The following PGM3 variants were observed in gnomAD, a reference collection of about 807,000 sequenced individuals.
The protein encoded by PGM3 is phosphoglucomutase 3, also known as phosphoacetylglucosamine mutase.
In PGM3, 40 loss-of-function variants were observed where a neutral mutation model predicts 66.2. That is an observed-to-expected ratio of 0.60 (90% CI 0.47 to 0.79). The LOEUF (loss-of-function observed/expected upper bound fraction) is 0.79, where lower values mean the gene tolerates loss of function less well. Ranked by LOEUF, PGM3 falls within the 30% of genes least tolerant of loss-of-function variation. The pLI, the probability that PGM3 is intolerant of heterozygous loss-of-function variation, is 0.00. For synonymous variants in PGM3, 191 were observed against 224.2 expected, an observed-to-expected ratio of 0.85 and a Z score of 1.32; for missense variants, 537 against 643.4, an observed-to-expected ratio of 0.83 and a Z score of 1.79.
downstream of PGM3, chr6:83,157,422 C>A: frequency 8.0e-7 from 1 of 1,247,904 alleles, no homozygotes; most frequent in Non-Finnish European, 1.1e-6. Flanking sequence ...GAGAACTGAG[C>A]TGTAGTTAAA....
chr6:83,152,557 A>G, the PGM3 span, among the ~76,000 whole-genome samples: 2 of 151,560 alleles, frequency 1.3e-5, no homozygotes, highest in Admixed American at 6.6e-5. Context: ...AACATTAGTG[A>G]TAAATTTAGA....
At chr6:83,155,932 C>T in the PGM3 span, 4 of 1,603,088 alleles carry the variant, frequency 2.5e-6, no homozygotes, top group Non-Finnish European at 3.4e-6. Flanking sequence ...GTCACAGTCT[C>T]TTTCACTTGC....
intron 1 of PGM3, among the ~76,000 whole-genome samples, chr6:83,192,764 C>T (rs1428348671): frequency 1.3e-5 from 2 of 152,230 alleles, no homozygotes; most frequent in Middle Eastern, 3.4e-3. Flanking sequence ...CCTACAACTA[C>T]TTTCAATGCC....
chr6:83,162,046 C>G (rs369435239), downstream of PGM3, among the ~76,000 whole-genome samples: 1,093 of 152,050 alleles, frequency 7.2e-3, 15 homozygotes, highest in African/African-American at 0.025. Flanking sequence ...AAATATATAT[C>G]CTACATGTAT....
At chr6:83,174,085 A>G (rs1787563634) in intron 10 of PGM3, among the ~76,000 whole-genome samples, 2 of 152,104 alleles carry the variant, frequency 1.3e-5, no homozygotes, top group South Asian at 4.1e-4. Context: ...GTTAAAAAAA[A>G]ATTAATAATA....
downstream of PGM3, among the ~76,000 whole-genome samples, chr6:83,162,109 A>G (rs1784367177): frequency 6.6e-6 from 1 of 152,144 alleles, no homozygotes; most frequent in South Asian, 2.1e-4. Flanking sequence ...TGGTTGTGTG[A>G]ATATATACTC....
rs1469972393 is a variant in PGM3 at position 83,186,996 on chromosome 6, A to G, written c.457+12T>C. 3.5e-6 allele frequency: 5 copies of G among 1,436,990 alleles called. No homozygotes were observed. Among genetic ancestry groups the G allele is most frequent in the Non-Finnish European group, 4.8e-6 (5 of 1,038,050 alleles). 89.0% of individuals were successfully genotyped at this position (1,436,990 alleles called of 1,614,324 possible). On this transcript the variant is annotated intron_variant, in intron 4 of 12. Transcript: ENST00000513973. ...ATATTAGTTTAATTTCCAACTCAGG[A>G]TAACTACATACCATGGAATTGACCT...
downstream of PGM3, among the ~76,000 whole-genome samples, chr6:83,161,690 CCTTTTA>C (rs1214874514): frequency 2.6e-5 from 4 of 152,044 alleles, no homozygotes; most frequent in African/African-American, 4.8e-5. Context: ...AAGTTGCTTT[CCTTTTA>C]CTTTTAGTAA....
Position 83,168,043 on chromosome 6 carries a change from A to T in PGM3, c.*1191T>A, listed in dbSNP as rs1397038330. On this transcript the variant is annotated 3_prime_UTR_variant, in exon 13 of 13. Transcript: ENST00000513973. ...GGACACTCAGGGAGTCCTATCCTCT[A>T]CTCAAATGCCTTCCCTAATAAGGAC... The T allele has an allele frequency of 6.2e-7, 1 of 1,614,176 alleles. No individual in the cohort carries two copies. The highest frequency in any genetic ancestry group is 8.5e-7 in the Non-Finnish European group (1 of 1,180,036).
chr6:83,153,537 T>C, the PGM3 span: 1 of 1,608,158 alleles, frequency 6.2e-7, no homozygotes, highest in Non-Finnish European at 8.5e-7. Context: ...TGGATATGGT[T>C]TTCTATAGTG....
intron 4 of PGM3, among the ~76,000 whole-genome samples, chr6:83,186,631 C>T (rs771146358): frequency 2.9e-4 from 44 of 152,156 alleles, no homozygotes; most frequent in Non-Finnish European, 4.9e-4. Context: ...CAGGTAACAG[C>T]TGATTTCACA....
the PGM3 span, among the ~76,000 whole-genome samples, chr6:83,150,630 A>G: frequency 7.2e-5 from 11 of 152,202 alleles, no homozygotes; most frequent in Non-Finnish European, 1.3e-4. Context: ...TTCATTTTAC[A>G]TATTAGTTTG....
chr6:83,159,724 C>A (rs1320820608), downstream of PGM3: 1 of 1,553,134 alleles, frequency 6.4e-7, no homozygotes, highest in Non-Finnish European at 8.8e-7. Context: ...TTAGCTGGTA[C>A]TTTTAGATCT....
chr6:83,190,174 C>T (rs1478569471), intron 2 of PGM3, among the ~76,000 whole-genome samples: 1 of 152,176 alleles, frequency 6.6e-6, no homozygotes, highest in African/African-American at 2.4e-5. Context: ...GTTAATTAGC[C>T]TGATAGTGGT....
At position 83,165,829 on chromosome 6, in the gene PGM3, C is replaced by A; in HGVS notation, c.*3405G>T. 3.1e-6 allele frequency: 1 copy of A among 319,292 alleles called. No homozygotes were observed. The highest frequency in any genetic ancestry group is 2.9e-5 in the South Asian group (1 of 34,564). 19.8% of individuals were successfully genotyped at this position (319,292 alleles called of 1,614,324 possible). ...TTGGGCCCTTTCTGGTGGCCAATGC[C>A]GGCTGCAGGCATTGCAGTTTTTGGT... On this transcript the variant is annotated 3_prime_UTR_variant, in exon 13 of 13. Coordinates refer to ENST00000513973, the MANE Select transcript of PGM3 (RefSeq NM_015599.3).
At chr6:83,189,038 C>T (rs1399737926) in intron 2 of PGM3, among the ~76,000 whole-genome samples, 1 of 152,136 alleles carries the variant, frequency 6.6e-6, no homozygotes, top group Non-Finnish European at 1.5e-5. Flanking sequence ...TTTCAATCTT[C>T]GAGAAAACTG....
rs745659258 is a variant in PGM3, at chr6:83,187,063, C to T, written c.402G>A (p.Glu134=). The part of the protein sequence containing the change: ...VIGRDTRPSS[E]KLSQSVIDGV... ...CATCTATTACAGATTGTGAAAGTTT[C>T]TCACTGCTGGGCCTAGGAAAGAAAA... The change falls in exon 4 of 13, where the codon GAG becomes GAA. Residue 134 remains glutamate (E), a synonymous_variant. Transcript: ENST00000513973. The T allele has an allele frequency of 5.6e-6, 9 of 1,600,504 alleles. No individual in the cohort carries two copies. In the Admixed American group the frequency reaches 1.5e-4, roughly 27 times the overall value.
At chr6:83,174,346 A>C in intron 10 of PGM3, 28 bp downstream of exon 10, 1 of 1,140,846 alleles carries the variant, frequency 8.8e-7, no homozygotes, top group Non-Finnish European at 1.3e-6. Context: ...AAAGGTAACC[A>C]AGAGTCCACT....
chr6:83,172,239 T>C (rs900361221), intron 10 of PGM3, among the ~76,000 whole-genome samples, 180 bp from the exon 11 acceptor site: 4 of 152,086 alleles, frequency 2.6e-5, no homozygotes, highest in Admixed American at 6.5e-5. Context: ...CAGGTCAAAA[T>C]GTGGGTATAC....
Sources: allele counts gnomAD v4.1 joint callset (sites outside exome capture counted in the v4.1 genomes callset), GRCh38; gene constraint gnomAD v4.1.1; transcripts MANE v1.5; gene names NCBI Gene and HGNC (gene_info 2026-07-23, HGNC 2026-07-21).